Variants in PGM5 observed in about 807,000 individuals in gnomAD.
The protein encoded by PGM5 is phosphoglucomutase-like protein 5.
PGM5 carries 23 observed loss-of-function variants against 59.2 expected under a neutral mutation model. The observed-to-expected ratio is 0.39, with a 90% confidence interval of 0.28 to 0.55. The LOEUF (loss-of-function observed/expected upper bound fraction) is 0.55. Among genes scored for constraint, PGM5 ranks in the 20% least tolerant of loss-of-function variants. The probability of loss-of-function intolerance (pLI) is 0.66; values close to 1 mark genes in which losing one functional copy is unlikely to be tolerated. For synonymous variants in PGM5, 214 were observed against 286.0 expected, an observed-to-expected ratio of 0.75 and a Z score of 2.54; for missense variants, 574 against 748.3, an observed-to-expected ratio of 0.77 and a Z score of 2.72.
chr9:68,417,358 C>G (rs1273444044), intron 6 of PGM5, among the ~76,000 whole-genome samples: 1 of 152,120 alleles, frequency 6.6e-6, no homozygotes, highest in Non-Finnish European at 1.5e-5. Flanking sequence ...CCCCAAGAAG[C>G]TCTTTACTGC....
At chr9:68,432,512 A>C (rs1554683103) in intron 6 of PGM5, among the ~76,000 whole-genome samples, 1 of 146,156 alleles carries the variant, frequency 6.8e-6, no homozygotes, top group African/African-American at 2.6e-5. Context: ...TGTTTTAAAC[A>C]AAAAAAAAAA....
At chr9:68,504,584 T>G (rs1824626925) in intron 10 of PGM5, among the ~76,000 whole-genome samples, 1 of 152,168 alleles carries the variant, frequency 6.6e-6, no homozygotes, top group Non-Finnish European at 1.5e-5. Flanking sequence ...GACATCTGCA[T>G]AGCTTGTCTC....
At chr9:68,455,798 A>G (rs1311991791) in intron 6 of PGM5, among the ~76,000 whole-genome samples, 1 of 152,240 alleles carries the variant, frequency 6.6e-6, no homozygotes, top group Admixed American at 6.5e-5. Flanking sequence ...CTGTTATTAA[A>G]GAGCTGGAAC....
intron 6 of PGM5, among the ~76,000 whole-genome samples, chr9:68,418,244 A>G (rs934066834): frequency 6.6e-6 from 1 of 152,126 alleles, no homozygotes; most frequent in Non-Finnish European, 1.5e-5. Flanking sequence ...GTCCCATTTC[A>G]CTGGGCAAAT....
intron 10 of PGM5, among the ~76,000 whole-genome samples, chr9:68,517,230 T>G (rs1181160169): frequency 3.3e-5 from 5 of 152,156 alleles, no homozygotes. Flanking sequence ...GCTGAGAGTT[T>G]GCATCTCAGG....
chr9:68,484,061 A>G lies in PGM5; in HGVS notation c.1479+13A>G, dbSNP rs373143413. The G allele has an allele frequency of 4.3e-6, 7 of 1,610,628 alleles. No individual in the cohort carries two copies. In the African/African-American group the frequency reaches 9.4e-5, roughly 22 times the overall value. ...GACCAAGAAACAGGTACTTGCTAGG[A>G]AATCACTACAACGGGTTATCAGGCA... On this transcript the variant is annotated intron_variant, in intron 9 of 10. Transcript: ENST00000396396.
chr9:68,427,018 T>TA (rs545842686), intron 6 of PGM5: 2 of 152,224 alleles, frequency 1.3e-5, no homozygotes, highest in Non-Finnish European at 2.9e-5. Flanking sequence ...ATAGGCTCCT[T>TA]ATGGTCACCT....
At chr9:68,493,452 A>T (rs1554688007) in intron 9 of PGM5, among the ~76,000 whole-genome samples, 1 of 152,220 alleles carries the variant, frequency 6.6e-6, no homozygotes, top group Non-Finnish European at 1.5e-5. Context: ...TCAACCTCAG[A>T]TTGTAAGCCT....
chr9:68,447,986 A>T (rs1379645080), intron 6 of PGM5, among the ~76,000 whole-genome samples: 5 of 152,188 alleles, frequency 3.3e-5, no homozygotes, highest in Non-Finnish European at 7.3e-5. Context: ...GCAAAGAAAA[A>T]GAAAGGGTTT....
intron 10 of PGM5, among the ~76,000 whole-genome samples, chr9:68,517,767 G>A (rs183752062): frequency 6.6e-6 from 1 of 152,322 alleles, no homozygotes; most frequent in East Asian, 1.9e-4. Context: ...TTTAGTAGTG[G>A]TGGACTAGGT....
At chr9:68,443,280 G>A (rs1003825344) in intron 6 of PGM5, among the ~76,000 whole-genome samples, 1 of 152,186 alleles carries the variant, frequency 6.6e-6, no homozygotes, top group Non-Finnish European at 1.5e-5. Flanking sequence ...GTCACATACT[G>A]TATCATCCCA....
intron 10 of PGM5, among the ~76,000 whole-genome samples, chr9:68,504,840 G>A (rs140416153): frequency 6.6e-6 from 1 of 152,270 alleles, no homozygotes; most frequent in African/African-American, 2.4e-5. Context: ...GCCCAACGCA[G>A]TTTTGCCAAA....
At chr9:68,490,004 C>T (rs1824363683) in intron 9 of PGM5, among the ~76,000 whole-genome samples, 2 of 152,182 alleles carry the variant, frequency 1.3e-5, no homozygotes, top group African/African-American at 4.8e-5. Flanking sequence ...AGAAAAAGCA[C>T]ACTTTGAAGA....
intron 4 of PGM5, 119 bp from the exon 5 acceptor site, chr9:68,391,415 A>G: frequency 1.3e-6 from 1 of 769,136 alleles, no homozygotes; most frequent in Non-Finnish European, 2.1e-6. Context: ...CTTTAAAACG[A>G]TTGTAAATTT....
At chr9:68,523,495 T>C (rs1242731853) in intron 10 of PGM5, among the ~76,000 whole-genome samples, 4 of 152,198 alleles carry the variant, frequency 2.6e-5, no homozygotes, top group Non-Finnish European at 5.9e-5. Context: ...TGACTAAAAA[T>C]GAATGTTTGC....
chr9:68,359,682 G>T (rs1208946229), intron 1 of PGM5, among the ~76,000 whole-genome samples: 1 of 152,138 alleles, frequency 6.6e-6, no homozygotes, highest in Non-Finnish European at 1.5e-5. Flanking sequence ...GGTCTTTTTT[G>T]ATATCCTATT....
At position 68,514,192 on chromosome 9, in the gene PGM5, G is replaced by A. The variant is rs538241927; in HGVS notation, c.1614+14831G>A. Among the ~76,000 whole-genome samples, 10 of 152,224 alleles carry A rather than the reference G, an allele frequency of 6.6e-5. No homozygotes were observed. The South Asian group carries it at 1.0e-3, about 16-fold the overall frequency. On this transcript the variant is annotated intron_variant, in intron 10 of 10. Transcript: ENST00000396396. ...AGTTTGAGAAGTCCTAATGCTGGGCGTGGTGGCATTAGCCTATAAAGTGCC... is the reference window on the plus strand; with the variant it reads ...AGTTTGAGAAGTCCTAATGCTGGGCATGGTGGCATTAGCCTATAAAGTGCC...
chr9:68,372,963 C>G (rs1821780155), intron 1 of PGM5, among the ~76,000 whole-genome samples: 1 of 152,044 alleles, frequency 6.6e-6, no homozygotes, highest in South Asian at 2.1e-4. Context: ...CCAAACACCT[C>G]TCACTGGGCC....
At chr9:68,483,807 G>C in intron 8 of PGM5, 58 bp from the exon 9 acceptor site, 1 of 1,502,328 alleles carries the variant, frequency 6.7e-7, no homozygotes, top group Non-Finnish European at 9.2e-7. Flanking sequence ...AACTGTAAGT[G>C]GGCCACCCAG....
Sources: allele counts gnomAD v4.1 joint callset (sites outside exome capture counted in the v4.1 genomes callset), GRCh38; gene constraint gnomAD v4.1.1; transcripts MANE v1.5; gene names NCBI Gene and HGNC (gene_info 2026-07-23, HGNC 2026-07-21).